The following KCND2 variants were observed in gnomAD, a reference collection of about 807,000 sequenced individuals.
KCND2 encodes the protein A-type voltage-gated potassium channel KCND2.
In KCND2, 16 loss-of-function variants were observed where a neutral mutation model predicts 54.4. The ratio of observed to expected loss-of-function variants is 0.29; its 90% confidence interval spans 0.20 to 0.45. The LOEUF (loss-of-function observed/expected upper bound fraction) is 0.45. KCND2 is among the 20% of genes least tolerant of loss of function. KCND2 has a pLI of 1.00. For missense variants in KCND2, 486 were observed against 824.2 expected (o/e 0.59, Z 5.02); for synonymous variants, 317 against 310.7 (o/e 1.02, Z -0.21).
chr7:120,458,153 A>G (rs1802227275), intron 1 of KCND2, among the ~76,000 whole-genome samples: 1 of 152,146 alleles, frequency 6.6e-6, no homozygotes, highest in Admixed American at 6.5e-5. Context: ...GTACCCCCAA[A>G]TATGCAGCAG....
chr7:120,629,296 G>A (rs1446431171), intron 1 of KCND2, among the ~76,000 whole-genome samples: 2 of 152,166 alleles, frequency 1.3e-5, no homozygotes, highest in African/African-American at 4.8e-5. Flanking sequence ...GACTATGCTT[G>A]GTAACTCGGT....
intron 1 of KCND2, among the ~76,000 whole-genome samples, chr7:120,278,549 A>G (rs1799214314): frequency 6.6e-6 from 1 of 151,448 alleles, no homozygotes; most frequent in Admixed American, 6.6e-5. Context: ...ATAAATAACC[A>G]AGAGCTTTGT....
chr7:120,656,874 C>T (rs1243667665), intron 1 of KCND2, among the ~76,000 whole-genome samples: 1 of 152,148 alleles, frequency 6.6e-6, no homozygotes, highest in Non-Finnish European at 1.5e-5. Context: ...TAAAGGGGAA[C>T]AACAATCTGG....
At chr7:120,636,926 C>T (rs1348775509) in intron 1 of KCND2, among the ~76,000 whole-genome samples, 1 of 152,068 alleles carries the variant, frequency 6.6e-6, no homozygotes. Context: ...TAGGAACTTG[C>T]ATAACTATGA....
chr7:120,363,799 T>A (rs1800628638), intron 1 of KCND2, among the ~76,000 whole-genome samples: 1 of 152,098 alleles, frequency 6.6e-6, no homozygotes, highest in African/African-American at 2.4e-5. Context: ...CTTACACTCT[T>A]ATCTGACATC....
At chr7:120,393,815 T>A (rs1801112927) in intron 1 of KCND2, among the ~76,000 whole-genome samples, 1 of 151,938 alleles carries the variant, frequency 6.6e-6, no homozygotes, top group Admixed American at 6.6e-5. Context: ...CTGAGAAAAA[T>A]ATTTGCAGTT....
intron 1 of KCND2, among the ~76,000 whole-genome samples, chr7:120,318,406 T>C (rs1008939261): frequency 2.6e-5 from 4 of 152,114 alleles, no homozygotes; most frequent in African/African-American, 9.6e-5. Context: ...TCATTGATTC[T>C]ATATGAAAGG....
At chr7:120,524,745 T>G (rs1042187975) in intron 1 of KCND2, among the ~76,000 whole-genome samples, 2 of 152,212 alleles carry the variant, frequency 1.3e-5, no homozygotes, top group Non-Finnish European at 2.9e-5. Context: ...AATACCCTAA[T>G]GCACATTCTA....
intron 1 of KCND2, among the ~76,000 whole-genome samples, chr7:120,413,842 T>G (rs1402332188): frequency 6.6e-6 from 1 of 151,996 alleles, no homozygotes; most frequent in Non-Finnish European, 1.5e-5. Flanking sequence ...TATGGAAGGC[T>G]TAGATGAATC....
chr7:120,413,474 G>A (rs56306813), intron 1 of KCND2, among the ~76,000 whole-genome samples: 15,510 of 151,776 alleles, frequency 0.1, 832 homozygotes, highest in Admixed American at 0.13. Context: ...GATATATAAT[G>A]TCAATATTTG....
At position 120,672,223 on chromosome 7, in the gene KCND2, C is replaced by T. The variant is rs1381731692; in HGVS notation, c.1116-60680C>T. Among the ~76,000 whole-genome samples, 4 of 151,736 alleles carry T rather than the reference C, an allele frequency of 2.6e-5. No individual in the cohort carries two copies. The East Asian group carries it at 7.7e-4, about 29-fold the overall frequency. On this transcript the variant is annotated intron_variant, in intron 1 of 5. Transcript: ENST00000331113. ...ACTCCTGTTACTCCTTCCTTTTCTTCCTGACAGAAAAAAAAATCATAAAGG... is the reference window on the plus strand; with the variant it reads ...ACTCCTGTTACTCCTTCCTTTTCTTTCTGACAGAAAAAAAAATCATAAAGG...
At chr7:120,383,222 T>C (rs1313328248) in intron 1 of KCND2, among the ~76,000 whole-genome samples, 1 of 151,980 alleles carries the variant, frequency 6.6e-6, no homozygotes, top group Non-Finnish European at 1.5e-5. Flanking sequence ...CCTCTTTCTT[T>C]TTGCTCTTTT....
chr7:120,420,748 A>AT (rs1801599503), intron 1 of KCND2, among the ~76,000 whole-genome samples: 1 of 152,156 alleles, frequency 6.6e-6, no homozygotes, highest in Non-Finnish European at 1.5e-5. Flanking sequence ...AGGGAAAAAA[A>AT]TTAATTCAAA....
chr7:120,421,832 T>C (rs1413886192), intron 1 of KCND2, among the ~76,000 whole-genome samples: 2 of 152,174 alleles, frequency 1.3e-5, no homozygotes. Context: ...TCCACAATCC[T>C]GGCATGGATT....
rs541976297 is a variant in KCND2, at chr7:120,729,552, G to A, written c.1116-3351G>A. 2.6e-5 allele frequency among the ~76,000 whole-genome samples: 4 copies of A among 152,278 alleles called. No individual in the cohort carries two copies. The South Asian group carries it at 8.3e-4, about 32-fold the overall frequency. On this transcript the variant is annotated intron_variant, in intron 1 of 5. Transcript: ENST00000331113. ...GCACCCCTGCCTGTTCTACTTCCTTGTATTCTCTTACCATCTCCTCTGCTT... is the reference window on the plus strand; with the variant it reads ...GCACCCCTGCCTGTTCTACTTCCTTATATTCTCTTACCATCTCCTCTGCTT...
intron 1 of KCND2, among the ~76,000 whole-genome samples, chr7:120,522,259 G>C (rs985331583): frequency 9.2e-5 from 14 of 152,072 alleles, no homozygotes; most frequent in African/African-American, 3.1e-4. Context: ...TTTTAGAAAA[G>C]GTCTTGTGTA....
chr7:120,568,578 T>C (rs1334153785), intron 1 of KCND2, among the ~76,000 whole-genome samples: 1 of 152,148 alleles, frequency 6.6e-6, no homozygotes, highest in East Asian at 1.9e-4. Context: ...ATGGAAATAT[T>C]GCTTCAAAGT....
At chr7:120,511,624 C>T (rs1803116984) in intron 1 of KCND2, among the ~76,000 whole-genome samples, 1 of 152,164 alleles carries the variant, frequency 6.6e-6, no homozygotes, top group South Asian at 2.1e-4. Flanking sequence ...TCATTTTCTG[C>T]AGGGGAAAGA....
At chr7:120,347,733 G>A (rs1387490912) in intron 1 of KCND2, among the ~76,000 whole-genome samples, 2 of 151,062 alleles carry the variant, frequency 1.3e-5, no homozygotes, top group Non-Finnish European at 2.9e-5. Context: ...CTCCAGCCTG[G>A]GCAAAAAATG....
Sources: allele counts gnomAD v4.1 joint callset (sites outside exome capture counted in the v4.1 genomes callset), GRCh38; gene constraint gnomAD v4.1.1; transcripts MANE v1.5; gene names NCBI Gene and HGNC (gene_info 2026-07-23, HGNC 2026-07-21).